The following KIT variants were observed in gnomAD, a reference collection of about 807,000 sequenced individuals.
KIT encodes the protein KIT proto-oncogene, receptor tyrosine kinase, also known as mast/stem cell growth factor receptor Kit.
In KIT, 16 loss-of-function variants were observed where a neutral mutation model predicts 105.7. The observed-to-expected ratio is 0.15, with a 90% CI of 0.10 to 0.23. KIT has a LOEUF of 0.23. Ranked by LOEUF, KIT falls within the 10% of genes least tolerant of loss-of-function variation. KIT has a pLI of 1.00. For synonymous variants in KIT, 438 were observed against 441.1 expected (o/e 0.99, Z 0.09); for missense variants, 858 against 1,213.8 (o/e 0.71, Z 4.36).
chr4:54,669,210 GACCCCCCCCCC>G (rs1717923982), intron 1 of KIT, among the ~76,000 whole-genome samples: 3 of 115,228 alleles, frequency 2.6e-5, no homozygotes, highest in African/African-American at 9.6e-5. Flanking sequence ...GATAAAAGAG[GACCCCCCCCCC>G]TTGCTTTTTT....
chr4:54,734,834 T>G (rs1478307359), intron 17 of KIT, among the ~76,000 whole-genome samples: 1 of 152,134 alleles, frequency 6.6e-6, no homozygotes, highest in Non-Finnish European at 1.5e-5. Context: ...AGAACACTGT[T>G]TTCAACGCCT....
At chr4:54,688,407 C>G (rs1007651320) in intron 1 of KIT, among the ~76,000 whole-genome samples, 1 of 151,854 alleles carries the variant, frequency 6.6e-6, no homozygotes, top group Non-Finnish European at 1.5e-5. Context: ...TCTTCCTGCT[C>G]TACTTCCCCA....
Position 54,737,269 on chromosome 4 carries a change from A to G in KIT, c.2791A>G (p.Ser931Gly). 1 of 1,609,700 alleles carries G rather than the reference A, an allele frequency of 6.2e-7. No individual in the cohort carries two copies. The highest frequency in any genetic ancestry group is 8.5e-7 in the Non-Finnish European group (1 of 1,175,990). ...VQLIEKQISE[S>G]TNHIYSNLAN... ...GCTAATTGAGAAGCAGATTTCAGAG[A>G]GCACCAATCATGTGAGTATACCCTG... Residue 931 changes from serine to glycine, a missense_variant, in exon 20 of 21, where the codon AGC (serine) becomes GGC (glycine). This residue lies in a region of KIT where 105 missense variants were observed against 103.5 expected (regional missense o/e 1.01). Coordinates refer to ENST00000288135, the MANE Select transcript of KIT (RefSeq NM_000222.3).
intron 7 of KIT, among the ~76,000 whole-genome samples, chr4:54,711,174 C>T (rs1341622078): frequency 6.6e-6 from 1 of 152,172 alleles, no homozygotes; most frequent in Non-Finnish European, 1.5e-5. Context: ...AGCCACAACA[C>T]TCAACCTGTG....
intron 1 of KIT, among the ~76,000 whole-genome samples, chr4:54,680,400 T>C (rs1204233246): frequency 2.7e-5 from 4 of 149,926 alleles, no homozygotes; most frequent in Non-Finnish European, 1.5e-5. Flanking sequence ...TTTTTTTTTT[T>C]TTTTTAATGA....
chr4:54,710,757 G>A (rs1721102939), intron 7 of KIT, among the ~76,000 whole-genome samples: 1 of 152,162 alleles, frequency 6.6e-6, no homozygotes, highest in Non-Finnish European at 1.5e-5. Context: ...GGCCAGGATG[G>A]TCTTGAACTC....
rs757733297 is a variant in KIT at position 54,729,419 on chromosome 4, C to T, written c.2075C>T (p.Ser692Leu). ...LRRKRDSFICSKQEDHAEAAL... is the reference protein window; with the variant it reads ...LRRKRDSFICLKQEDHAEAAL... ...AGAAAACGTGATTCATTTATTTGTT[C>T]AAAGCAGGAAGATCATGCAGAAGCT... Residue 692 changes from serine to leucine, a missense_variant, in exon 14 of 21, where the codon TCA (serine) becomes TTA (leucine). Around this residue, in one of 7 missense-constraint regions of KIT, gnomAD observed 158 missense variants for 218.7 expected, o/e 0.72. Transcript: ENST00000288135. 6.2e-7 allele frequency: 1 copy of T among 1,613,686 alleles called. No individual in the cohort carries two copies. Among genetic ancestry groups the T allele is most frequent in the Admixed American group, 1.7e-5 (1 of 59,984 alleles).
In KIT at chr4:54,736,486, C is replaced by CT; in HGVS notation, c.2485-10dup. 1 of 1,569,364 alleles carries CT rather than the reference C, an allele frequency of 6.4e-7. No homozygotes were observed. Among genetic ancestry groups the CT allele is most frequent in the Non-Finnish European group, 8.8e-7 (1 of 1,139,434 alleles). On this transcript the variant is annotated splice_polypyrimidine_tract_variant and intron_variant, in intron 17 of 20. Transcript: ENST00000288135. Reference sequence around the variant, plus strand: ...AATTAACATTATTGACTCTGTTGTGCTTCTATTACAGGCTCGACTACCTGT... The same window carrying CT: ...AATTAACATTATTGACTCTGTTGTGCTTTCTATTACAGGCTCGACTACCTGT...
Position 54,664,002 on chromosome 4 carries a change from C to T in KIT, c.67+5921C>T, listed in dbSNP as rs80130592. 7.7e-3 allele frequency among the ~76,000 whole-genome samples: 1,175 copies of T among 152,096 alleles called. 19 individuals carry two copies. The highest frequency in any genetic ancestry group is 0.027 in the African/African-American group (1,119 of 41,478). On this transcript the variant is annotated intron_variant, in intron 1 of 20. Coordinates refer to ENST00000288135, the MANE Select transcript of KIT (RefSeq NM_000222.3). ...CAGGGCAAGAGCACAGCCCCTGATT[C>T]GAAGTAGAATTTGGTTTTCTTAAGT...
chr4:54,660,878 TG>T (rs1169621392), intron 1 of KIT, among the ~76,000 whole-genome samples: 1 of 152,210 alleles, frequency 6.6e-6, no homozygotes, highest in Non-Finnish European at 1.5e-5. Context: ...CAGGGATTGT[TG>T]GAAGTTCTGG....
rs542307918 is a variant in KIT, at chr4:54,735,357, C to CT, written c.2485-1138dup. On this transcript the variant is annotated intron_variant, in intron 17 of 20. Coordinates refer to ENST00000288135, the MANE Select transcript of KIT (RefSeq NM_000222.3). Reference sequence around the variant, plus strand: ...TGTTTTTGTAAGCTGACTAAAATAACTTTAACACCAAAAAAAAAAAAGAAA... The same window carrying CT: ...TGTTTTTGTAAGCTGACTAAAATAACTTTTAACACCAAAAAAAAAAAAGAAA... Among the ~76,000 whole-genome samples the CT allele has an allele frequency of 2.0e-3, 244 of 123,366 alleles. 1 individual carries two copies. Among genetic ancestry groups the CT allele is most frequent in the African/African-American group, 7.7e-3 (237 of 30,772 alleles). The allele number at this position is 123,366 out of a possible 152,430, so 80.9% of individuals were successfully genotyped here.
intron 5 of KIT, among the ~76,000 whole-genome samples, chr4:54,704,463 T>C (rs529404637): frequency 6.6e-6 from 1 of 152,102 alleles, no homozygotes; most frequent in African/African-American, 2.4e-5. Flanking sequence ...CACAGGTCAT[T>C]GGTTCTACGG....
At position 54,687,305 on chromosome 4, in the gene KIT, A is replaced by T. The variant is rs539853754; in HGVS notation, c.68-8207A>T. 6.6e-5 allele frequency among the ~76,000 whole-genome samples: 10 copies of T among 152,060 alleles called. No homozygotes were observed. In the South Asian group the frequency reaches 2.1e-3, roughly 32 times the overall value. On this transcript the variant is annotated intron_variant, in intron 1 of 20. Transcript: ENST00000288135. Reference sequence around the variant, plus strand: ...ATGCAGAAATTAGCCGGGTATGGTTATGTGCCCCTGTAATCCCAGCTACTT... The same window carrying T: ...ATGCAGAAATTAGCCGGGTATGGTTTTGTGCCCCTGTAATCCCAGCTACTT...
chr4:54,680,373 T>C (rs1012657204), intron 1 of KIT, among the ~76,000 whole-genome samples: 1 of 150,654 alleles, frequency 6.6e-6, no homozygotes, highest in South Asian at 2.1e-4. Flanking sequence ...TGTCTTGAAG[T>C]TTTCATTCGT....
Position 54,657,958 on chromosome 4 carries a change from C to T in KIT, c.-57C>T. The T allele has an allele frequency of 6.4e-7, 1 of 1,570,566 alleles. No homozygotes were observed. The highest frequency in any genetic ancestry group is 8.7e-7 in the Non-Finnish European group (1 of 1,144,024). On this transcript the variant is annotated 5_prime_UTR_variant, in exon 1 of 21. Coordinates refer to ENST00000288135, the MANE Select transcript of KIT (RefSeq NM_000222.3). ...GGGCTCGGCTTTGCCGCGCTCGCTG[C>T]ACTTGGGCGAGAGCTGGAACGTGGA...
chr4:54,684,929 G>C (rs1719206170), intron 1 of KIT, among the ~76,000 whole-genome samples: 1 of 152,162 alleles, frequency 6.6e-6, no homozygotes, highest in African/African-American at 2.4e-5. Flanking sequence ...AGACTTGAGG[G>C]TGGGTTCCCC....
chr4:54,690,062 G>GA (rs941903332), intron 1 of KIT, among the ~76,000 whole-genome samples: 4 of 138,406 alleles, frequency 2.9e-5, no homozygotes, highest in Admixed American at 7.6e-5. Flanking sequence ...TTTTTGTGGG[G>GA]GGGGGGGGCT....
At position 54,698,582 on chromosome 4, in the gene KIT, A is replaced by T; in HGVS notation, c.619+17A>T. The T allele has an allele frequency of 6.2e-7, 1 of 1,613,698 alleles. No homozygotes were observed. The highest frequency in any genetic ancestry group is 1.1e-5 in the South Asian group (1 of 91,050). On this transcript the variant is annotated intron_variant, in intron 3 of 20. Transcript: ENST00000288135. ...TGAGGCCAGGTACTGGCTCTTTCTT[A>T]TCTGCCTCTGGGAGTTGAGAACTCA...
chr4:54,731,300 C>T (rs1380377666), intron 14 of KIT, 28 bp from the exon 15 acceptor site: 1 of 1,511,136 alleles, frequency 6.6e-7, no homozygotes, highest in Admixed American at 1.7e-5. Context: ...CCACTTGATT[C>T]AGTCATGACT....
Sources: gnomAD v4.1 joint callset for allele counts (sites outside exome capture counted in the v4.1 genomes callset) on GRCh38, gnomAD v4.1.1 for gene constraint, gnomAD v4.1.1 regional missense constraint, MANE v1.5 for transcripts, NCBI Gene and HGNC (gene_info 2026-07-23, HGNC 2026-07-21) for gene names.